Variants in ATRNL1 observed in about 807,000 individuals in gnomAD.
The protein encoded by ATRNL1 is attractin like 1.
ATRNL1 carries 95 observed loss-of-function variants against 182.7 expected under a neutral mutation model. The ratio of observed to expected loss-of-function variants is 0.52; its 90% confidence interval spans 0.44 to 0.62. The LOEUF (loss-of-function observed/expected upper bound fraction) is 0.62, where lower values mean the gene tolerates loss of function less well. Ranked by LOEUF, ATRNL1 falls within the 20% of genes least tolerant of loss-of-function variation. ATRNL1 has a pLI of 0.00. For missense variants in ATRNL1, 1,471 were observed against 1,679.5 expected, an observed-to-expected ratio of 0.88 and a Z score of 2.17; for synonymous variants, 576 against 568.3, an observed-to-expected ratio of 1.01 and a Z score of -0.19.
chr10:115,623,077 A>G (rs948471500), intron 26 of ATRNL1, among the ~76,000 whole-genome samples: 2 of 152,238 alleles, frequency 1.3e-5, no homozygotes, highest in African/African-American at 4.8e-5. Context: ...AAATTTTAAC[A>G]TAACTTTCTC....
At chr10:115,571,776 C>T (rs12355711) in intron 26 of ATRNL1, among the ~76,000 whole-genome samples, 2,659 of 151,860 alleles carry the variant, frequency 0.018, 35 homozygotes, top group Middle Eastern at 0.031. Flanking sequence ...TTCATATATT[C>T]CTATTACTAT....
At chr10:115,871,168 G>A (rs1951570340) in intron 28 of ATRNL1, among the ~76,000 whole-genome samples, 2 of 151,760 alleles carry the variant, frequency 1.3e-5, no homozygotes, top group Admixed American at 1.3e-4. Context: ...GGATCTCTCA[G>A]ACATATTTGA....
intron 28 of ATRNL1, among the ~76,000 whole-genome samples, chr10:115,919,394 G>C (rs1447582871): frequency 6.6e-6 from 1 of 152,102 alleles, no homozygotes; most frequent in African/African-American, 2.4e-5. Flanking sequence ...TTCTAATACA[G>C]CTCTACTCAT....
intron 1 of ATRNL1, among the ~76,000 whole-genome samples, chr10:115,106,105 G>A (rs1843998136): frequency 6.6e-6 from 1 of 152,156 alleles, no homozygotes; most frequent in Admixed American, 6.5e-5. Flanking sequence ...AAAGCCACAG[G>A]GTCGGAGCTG....
At chr10:115,259,070 G>T (rs1851284847) in intron 10 of ATRNL1, among the ~76,000 whole-genome samples, 1 of 152,174 alleles carries the variant, frequency 6.6e-6, no homozygotes, top group African/African-American at 2.4e-5. Context: ...AGGCTACACG[G>T]GGGTCAGGGA....
At chr10:115,809,365 C>A (rs1197232569) in intron 27 of ATRNL1, among the ~76,000 whole-genome samples, 2 of 151,932 alleles carry the variant, frequency 1.3e-5, no homozygotes, top group Non-Finnish European at 2.9e-5. Flanking sequence ...TCAAAAAAAT[C>A]AGATTATGAA....
intron 19 of ATRNL1, among the ~76,000 whole-genome samples, chr10:115,376,486 G>C (rs1008783026): frequency 6.6e-6 from 1 of 151,938 alleles, no homozygotes; most frequent in Admixed American, 6.6e-5. Context: ...ATGGGGTCTG[G>C]TAGCTAGGAC....
At chr10:115,620,966 T>A (rs1449729701) in intron 26 of ATRNL1, among the ~76,000 whole-genome samples, 1 of 152,010 alleles carries the variant, frequency 6.6e-6, no homozygotes, top group Non-Finnish European at 1.5e-5. Flanking sequence ...CATTTCCCCT[T>A]TTTTTTCATT....
chr10:115,707,510 C>G (rs1471188805), intron 26 of ATRNL1, among the ~76,000 whole-genome samples: 1 of 151,674 alleles, frequency 6.6e-6, no homozygotes, highest in Non-Finnish European at 1.5e-5. Flanking sequence ...TATTCCATCT[C>G]CCCGTATCCC....
At chr10:115,565,381 C>T (rs944326954) in intron 26 of ATRNL1, among the ~76,000 whole-genome samples, 17 of 151,938 alleles carry the variant, frequency 1.1e-4, no homozygotes, top group Non-Finnish European at 1.8e-4. Context: ...CTTTTTCCTT[C>T]ATTTAAATGA....
chr10:115,779,862 T>C (rs1278906694), intron 27 of ATRNL1, among the ~76,000 whole-genome samples: 5 of 152,214 alleles, frequency 3.3e-5, no homozygotes, highest in Admixed American at 6.5e-5. Context: ...TATTGTCTTA[T>C]ACACACATGA....
Position 115,544,172 on chromosome 10 carries a change from T to A in ATRNL1, c.3717-5286T>A, listed in dbSNP as rs74158365. The stretch of plus-strand genomic sequence containing the variant: ...CAAATTAAAACATACTAGTGTTCAA[T>A]GATACCCATTAAACCCTTTGATTTA... On this transcript the variant is annotated intron_variant, in intron 25 of 28. Coordinates refer to ENST00000355044, the MANE Select transcript of ATRNL1 (RefSeq NM_207303.4). Among the ~76,000 whole-genome samples, 1,501 of 152,294 alleles carry A rather than the reference T, an allele frequency of 9.9e-3. 18 individuals carry two copies. The highest frequency in any genetic ancestry group is 0.034 in the African/African-American group (1,420 of 41,570).
At chr10:115,377,701 G>C (rs1376879469) in intron 19 of ATRNL1, among the ~76,000 whole-genome samples, 1 of 152,118 alleles carries the variant, frequency 6.6e-6, no homozygotes, top group Non-Finnish European at 1.5e-5. Context: ...GTCTGTATAT[G>C]TCTTTATAAG....
At chr10:115,141,972 A>G (rs996894243) in intron 5 of ATRNL1, among the ~76,000 whole-genome samples, 2 of 152,054 alleles carry the variant, frequency 1.3e-5, no homozygotes, top group Non-Finnish European at 1.5e-5. Flanking sequence ...TTATTAATGT[A>G]ACAGTTTCTT....
intron 16 of ATRNL1, among the ~76,000 whole-genome samples, chr10:115,301,209 A>G (rs1160741878): frequency 6.6e-6 from 1 of 152,136 alleles, no homozygotes; most frequent in Non-Finnish European, 1.5e-5. Context: ...ATGTGGGTGT[A>G]TGAATAACTG....
chr10:115,571,658 G>A (rs782465576), intron 26 of ATRNL1, among the ~76,000 whole-genome samples: 1 of 151,874 alleles, frequency 6.6e-6, no homozygotes, highest in Non-Finnish European at 1.5e-5. Context: ...TTTTATAAAG[G>A]GTTTGTGACT....
chr10:115,165,067 C>G (rs955526136), intron 6 of ATRNL1, among the ~76,000 whole-genome samples: 1 of 151,604 alleles, frequency 6.6e-6, no homozygotes, highest in Admixed American at 6.6e-5. Context: ...ATACATATAT[C>G]AAAATACCAT....
chr10:115,531,504 G>A (rs1851579045), intron 25 of ATRNL1, among the ~76,000 whole-genome samples: 1 of 151,702 alleles, frequency 6.6e-6, no homozygotes, highest in African/African-American at 2.4e-5. Context: ...ATTTGTTTGA[G>A]TTCATTGTAG....
chr10:115,741,611 AACTGG>A (rs1948141831), intron 27 of ATRNL1, among the ~76,000 whole-genome samples: 1 of 152,196 alleles, frequency 6.6e-6, no homozygotes, highest in South Asian at 2.1e-4. Context: ...TTCTAGCATC[AACTGG>A]ATTGAAGAAT....
Sources: gnomAD v4.1 joint callset for allele counts (sites outside exome capture counted in the v4.1 genomes callset) on GRCh38, gnomAD v4.1.1 for gene constraint, MANE v1.5 for transcripts, NCBI Gene and HGNC (gene_info 2026-07-23, HGNC 2026-07-21) for gene names.